CCDC141: variants seen among roughly 807,000 people sequenced by gnomAD.
CCDC141 encodes the protein coiled-coil domain containing 141.
A neutral mutation model predicts 181.0 loss-of-function variants in CCDC141; 168 were observed. The ratio of observed to expected loss-of-function variants is 0.93; its 90% confidence interval spans 0.82 to 1.05. CCDC141 has a LOEUF of 1.05. CCDC141 is among the 50% of genes least tolerant of loss of function. CCDC141 has a pLI of 0.00. For missense variants in CCDC141, 1,902 were observed against 1,788.5 expected, an observed-to-expected ratio of 1.06 and a Z score of -1.14; for synonymous variants, 666 against 642.3, an observed-to-expected ratio of 1.04 and a Z score of -0.56.
chr2:178,971,662 G>A (rs535789799), intron 4 of CCDC141, among the ~76,000 whole-genome samples: 2 of 152,256 alleles, frequency 1.3e-5, no homozygotes, highest in South Asian at 4.2e-4. Context: ...CAAAGACTTG[G>A]AACCAACCCA....
intron 5 of CCDC141, among the ~76,000 whole-genome samples, chr2:178,952,656 C>T (rs935462747): frequency 6.6e-6 from 1 of 152,190 alleles, no homozygotes; most frequent in Non-Finnish European, 1.5e-5. Context: ...ACTATCAGAT[C>T]CTTTGCATTT....
At chr2:179,038,656 A>G (rs2043209556) in intron 2 of CCDC141, among the ~76,000 whole-genome samples, 1 of 152,178 alleles carries the variant, frequency 6.6e-6, no homozygotes. Flanking sequence ...AATATATTCT[A>G]TTTATAGTAC....
rs961283462 is a variant in CCDC141 at position 178,872,878 on chromosome 2, A to T, written c.1900-566T>A. On this transcript the variant is annotated intron_variant, in intron 12 of 23. Transcript: ENST00000443758. ...ATCTCTGTATTCAGAACTACATCATACACCGGAAGCACAGTATCTAAAATC... is the reference window on the plus strand; with the variant it reads ...ATCTCTGTATTCAGAACTACATCATTCACCGGAAGCACAGTATCTAAAATC... The T allele has an allele frequency of 5.3e-5, 8 of 152,182 alleles. 1 individual carries two copies. The highest frequency in any genetic ancestry group is 1.3e-4 in the Admixed American group (2 of 15,274). 9.4% of individuals were successfully genotyped at this position (152,182 alleles called of 1,614,324 possible).
chr2:179,015,477 C>T (rs369940791), intron 2 of CCDC141, among the ~76,000 whole-genome samples: 5 of 66,640 alleles, frequency 7.5e-5, no homozygotes, highest in East Asian at 9.7e-4. Context: ...CATATATGTG[C>T]CATATATATC....
chr2:178,839,001 T>G (rs1684606022), intron 22 of CCDC141, among the ~76,000 whole-genome samples: 1 of 152,232 alleles, frequency 6.6e-6, no homozygotes, highest in Non-Finnish European at 1.5e-5. Context: ...TTACTTAGTA[T>G]GTACTGGTTT....
chr2:178,940,583 TA>T (rs1273157085), intron 6 of CCDC141, among the ~76,000 whole-genome samples: 1 of 152,100 alleles, frequency 6.6e-6, no homozygotes, highest in Non-Finnish European at 1.5e-5. Flanking sequence ...CTCTGAGGGC[TA>T]AAAAAATGTT....
At chr2:178,824,061 A>ACACAC in the CCDC141 span, among the ~76,000 whole-genome samples, 22 of 147,428 alleles carry the variant, frequency 1.5e-4, no homozygotes, top group African/African-American at 4.7e-4. Context: ...TACAGAGAAA[A>ACACAC]ACACACACAC....
chr2:178,982,088 A>G (rs1691441746), intron 2 of CCDC141, among the ~76,000 whole-genome samples: 1 of 152,148 alleles, frequency 6.6e-6, no homozygotes, highest in Non-Finnish European at 1.5e-5. Flanking sequence ...ACCAAAACTC[A>G]CACAAGAAAA....
chr2:178,968,950 A>G (rs756222733), intron 4 of CCDC141, among the ~76,000 whole-genome samples: 2 of 152,176 alleles, frequency 1.3e-5, no homozygotes, highest in Non-Finnish European at 2.9e-5. Context: ...GAATACTATA[A>G]ACACCTCTAT....
chr2:178,842,236 CT>C (rs1207846148), intron 22 of CCDC141, among the ~76,000 whole-genome samples: 1 of 152,154 alleles, frequency 6.6e-6, no homozygotes, highest in African/African-American at 2.4e-5. Context: ...ATCTGCTTTT[CT>C]TATATCAAAT....
At chr2:179,026,440 G>A (rs933249678) in intron 2 of CCDC141, among the ~76,000 whole-genome samples, 2 of 152,232 alleles carry the variant, frequency 1.3e-5, no homozygotes, top group Non-Finnish European at 2.9e-5. Flanking sequence ...CAAGTGCACA[G>A]AAGTCAAGAA....
chr2:178,954,561 T>G (rs1362247697), intron 5 of CCDC141, among the ~76,000 whole-genome samples: 1 of 152,226 alleles, frequency 6.6e-6, no homozygotes, highest in Non-Finnish European at 1.5e-5. Context: ...AGCTGAACTA[T>G]TTTAGTTCAA....
intron 7 of CCDC141, among the ~76,000 whole-genome samples, chr2:178,905,766 A>G (rs1025929764): frequency 1.3e-5 from 2 of 152,236 alleles, no homozygotes; most frequent in African/African-American, 2.4e-5. Flanking sequence ...TTGAGAATGT[A>G]TCTATACAAC....
intron 2 of CCDC141, among the ~76,000 whole-genome samples, chr2:179,014,378 A>T (rs945721498): frequency 2.0e-5 from 3 of 152,174 alleles, no homozygotes; most frequent in Non-Finnish European, 4.4e-5. Flanking sequence ...TTTCATGACC[A>T]AGAACCCAAA....
At position 178,834,417 on chromosome 2, in the gene CCDC141, G is replaced by T; in HGVS notation, c.4349C>A (p.Ser1450Tyr). 6.5e-7 allele frequency: 1 copy of T among 1,536,376 alleles called. No individual in the cohort carries two copies. Among genetic ancestry groups the T allele is most frequent in the Non-Finnish European group, 8.7e-7 (1 of 1,146,852 alleles). ...LTWYKKGQKL[S>Y]ADGHLQVLHK... ...TAAAACCTGTAAGTGCCCATCTGCA[G>T]ACAATTTCTGGCCCTTCTTGTACCT... Residue 1450 changes from serine (S) to tyrosine (Y), a missense_variant, in exon 24 of 24, where the codon TCT (serine) becomes TAT (tyrosine). Ser to Tyr is a moderately radical substitution (Grantham distance 144). Coordinates refer to ENST00000443758, the MANE Select transcript of CCDC141 (RefSeq NM_173648.4).
chr2:178,936,055 A>T (rs1354213272), intron 6 of CCDC141, among the ~76,000 whole-genome samples: 1 of 151,654 alleles, frequency 6.6e-6, no homozygotes, highest in Non-Finnish European at 1.5e-5. Flanking sequence ...TTGTCTGTTT[A>T]CTCTGTTGAT....
In CCDC141 at chr2:178,975,145, T is replaced by G; in HGVS notation, c.438A>C (p.Gln146His). 1 of 1,504,968 alleles carries G rather than the reference T, an allele frequency of 6.6e-7. No homozygotes were observed. Among genetic ancestry groups the G allele is most frequent in the South Asian group, 1.3e-5 (1 of 79,258 alleles). The allele number at this position is 1,504,968 out of a possible 1,614,324, so 93.2% of individuals were successfully genotyped here. A position where few individuals can be genotyped will look rare whatever the true frequency, so the allele number is the denominator to read the frequency against. ...GAGTATTCTGGAGGAAATCTTCAGC[T>G]TGGTCTATTTTAATAGCAAACTACA... ...NALEFAIKIDQAEDFLQNTHE... is the reference protein window; with the variant it reads ...NALEFAIKIDHAEDFLQNTHE... The change falls in exon 4 of 24, where the codon CAA becomes CAC. Residue 146 changes from glutamine (Q) to histidine (H), a missense_variant. Gln to His is a conservative substitution (Grantham distance 24, BLOSUM62 0). Coordinates refer to ENST00000443758, the MANE Select transcript of CCDC141 (RefSeq NM_173648.4).
intron 6 of CCDC141, among the ~76,000 whole-genome samples, chr2:178,935,428 T>C (rs534169044): frequency 1.1e-3 from 174 of 152,322 alleles, no homozygotes; most frequent in African/African-American, 4.0e-3. Context: ...TCCAGCTCCA[T>C]CCATGTTCCT....
At chr2:179,022,288 C>T (rs1329471919) in intron 2 of CCDC141, among the ~76,000 whole-genome samples, 1 of 152,096 alleles carries the variant, frequency 6.6e-6, no homozygotes, top group Non-Finnish European at 1.5e-5. Flanking sequence ...TGAACTCTAC[C>T]ATGCTTGAAT....
Sources: allele counts gnomAD v4.1 joint callset (sites outside exome capture counted in the v4.1 genomes callset), GRCh38; gene constraint gnomAD v4.1.1; transcripts MANE v1.5; gene names NCBI Gene and HGNC (gene_info 2026-07-23, HGNC 2026-07-21).